The following ZPBP variants were observed in gnomAD, a reference collection of about 807,000 sequenced individuals.
The protein encoded by ZPBP is zona pellucida binding protein.
ZPBP carries 26 observed loss-of-function variants against 44.8 expected under a neutral mutation model. That is an observed-to-expected ratio of 0.58 (90% confidence interval 0.43 to 0.81). ZPBP has a LOEUF of 0.81. ZPBP is among the 30% of genes least tolerant of loss of function. ZPBP has a pLI of 0.00. For synonymous variants in ZPBP, 174 were observed against 153.2 expected (o/e 1.14, Z -1.00); for missense variants, 409 against 434.0 (o/e 0.94, Z 0.51).
intron 7 of ZPBP, among the ~76,000 whole-genome samples, chr7:49,947,473 C>T (rs1383033008): frequency 6.6e-6 from 1 of 152,170 alleles, no homozygotes; most frequent in African/African-American, 2.4e-5. Context: ...GATGCACTGC[C>T]TTGGAGGTTT....
At chr7:50,078,759 A>C (rs1321416138) in intron 3 of ZPBP, among the ~76,000 whole-genome samples, 1 of 151,716 alleles carries the variant, frequency 6.6e-6, no homozygotes, top group Non-Finnish European at 1.5e-5. Context: ...AGAAACTATC[A>C]ACAAAGTAAA....
chr7:49,928,944 T>C (rs1180790443), intron 1 of ZPBP, among the ~76,000 whole-genome samples: 1 of 152,212 alleles, frequency 6.6e-6, no homozygotes, highest in Non-Finnish European at 1.5e-5. Context: ...TCACACACTG[T>C]GTCCAAGAGT....
At chr7:50,014,051 A>G (rs955879162) in intron 6 of ZPBP, among the ~76,000 whole-genome samples, 1 of 152,110 alleles carries the variant, frequency 6.6e-6, no homozygotes, top group African/African-American at 2.4e-5. Context: ...CTTTCCCATG[A>G]ACTTCTCTGA....
intron 6 of ZPBP, among the ~76,000 whole-genome samples, chr7:50,002,975 G>T (rs776733281): frequency 1.3e-5 from 2 of 152,020 alleles, no homozygotes; most frequent in Non-Finnish European, 2.9e-5. Context: ...GTATGTTTTC[G>T]TCCATGCAAA....
intron 4 of ZPBP, among the ~76,000 whole-genome samples, chr7:50,032,504 T>C (rs1252265715): frequency 1.3e-5 from 2 of 152,174 alleles, no homozygotes; most frequent in Non-Finnish European, 1.5e-5. Context: ...GTATCAAAAG[T>C]ATACTCTTCT....
At chr7:49,932,188 T>C (rs1255356877) in intron 1 of ZPBP, among the ~76,000 whole-genome samples, 1 of 152,110 alleles carries the variant, frequency 6.6e-6, no homozygotes, top group Non-Finnish European at 1.5e-5. Flanking sequence ...CTCACTGGGG[T>C]ACTGCCTATT....
chr7:49,884,450 G>C (rs1452713288), intron 2 of ZPBP, among the ~76,000 whole-genome samples: 1 of 152,166 alleles, frequency 6.6e-6, no homozygotes, highest in Admixed American at 6.5e-5. Context: ...GGAAGGTGGA[G>C]AACAGCAATT....
At chr7:49,924,162 A>C (rs145148465) in intron 1 of ZPBP, among the ~76,000 whole-genome samples, 3,082 of 150,460 alleles carry the variant, frequency 0.02, 254 homozygotes, top group Admixed American at 0.15. Flanking sequence ...AATAATAACA[A>C]CGTTATAAAA....
At chr7:50,030,245 G>C (rs1799543186) in intron 5 of ZPBP, among the ~76,000 whole-genome samples, 1 of 152,024 alleles carries the variant, frequency 6.6e-6, no homozygotes, top group African/African-American at 2.4e-5. Context: ...GGAAGGACAG[G>C]GAAGGGAAGG....
chr7:50,070,629 A>G (rs1801790233), intron 3 of ZPBP, among the ~76,000 whole-genome samples: 1 of 152,196 alleles, frequency 6.6e-6, no homozygotes, highest in African/African-American at 2.4e-5. Context: ...GATGGGGTTC[A>G]GGAGGATATT....
At chr7:49,922,674 C>G (rs942302636) in intron 1 of ZPBP, among the ~76,000 whole-genome samples, 1 of 152,076 alleles carries the variant, frequency 6.6e-6, no homozygotes, top group African/African-American at 2.4e-5. Flanking sequence ...TTTGACATTT[C>G]ATGGAAAAAA....
At chr7:49,887,702 C>A (rs1003719672) in intron 2 of ZPBP, among the ~76,000 whole-genome samples, 1 of 148,946 alleles carries the variant, frequency 6.7e-6, no homozygotes, top group African/African-American at 2.6e-5. Flanking sequence ...CATCCCGGGG[C>A]CCAGCTCAAA....
At chr7:49,963,144 T>A (rs993958439) in intron 7 of ZPBP, among the ~76,000 whole-genome samples, 1 of 145,052 alleles carries the variant, frequency 6.9e-6, no homozygotes, top group South Asian at 2.2e-4. Context: ...AAATTAATAA[T>A]ACTATACTCT....
chr7:50,076,416 G>C (rs979200236), intron 3 of ZPBP, among the ~76,000 whole-genome samples: 1 of 151,922 alleles, frequency 6.6e-6, no homozygotes, highest in African/African-American at 2.4e-5. Context: ...GTCCTGGCTA[G>C]AGCAATCAGA....
intron 1 of ZPBP, among the ~76,000 whole-genome samples, chr7:49,924,191 G>C (rs918417301): frequency 6.6e-6 from 1 of 151,250 alleles, no homozygotes; most frequent in Non-Finnish European, 1.5e-5. Flanking sequence ...GCACAAATAA[G>C]TACTAGATCT....
chr7:49,913,415 G>A (rs745403154), intron 1 of ZPBP: 4 of 152,080 alleles, frequency 2.6e-5, no homozygotes, highest in South Asian at 2.1e-4. Flanking sequence ...ATCAGCATGC[G>A]GTGTGTTGAT....
downstream of ZPBP, among the ~76,000 whole-genome samples, chr7:49,937,162 AAATT>A (rs1794647016): frequency 6.6e-6 from 1 of 152,202 alleles, no homozygotes; most frequent in Non-Finnish European, 1.5e-5. Flanking sequence ...AAACAAACTG[AAATT>A]AAAGTTATTA....
At chr7:49,900,690 G>A (rs1029787836) in intron 2 of ZPBP, among the ~76,000 whole-genome samples, 22 of 151,828 alleles carry the variant, frequency 1.4e-4, no homozygotes, top group African/African-American at 3.1e-4. Context: ...AGGAAGCACC[G>A]TGGACCCAGA....
intron 6 of ZPBP, among the ~76,000 whole-genome samples, chr7:50,004,997 A>G (rs975952143): frequency 4.0e-5 from 6 of 151,486 alleles, no homozygotes; most frequent in Admixed American, 4.0e-4. Flanking sequence ...TATAAGCAGA[A>G]GTTATCATTA....
Sources: allele counts gnomAD v4.1 joint callset (sites outside exome capture counted in the v4.1 genomes callset), GRCh38; gene constraint gnomAD v4.1.1; transcripts MANE v1.5; gene names NCBI Gene and HGNC (gene_info 2026-07-23, HGNC 2026-07-21).